Variants in LIMA1 observed in about 807,000 individuals in gnomAD.
The protein encoded by LIMA1 is LIM domain and actin-binding protein 1.
Under a neutral mutation model 62.6 loss-of-function variants are expected in LIMA1, and 52 were observed. That is an observed-to-expected ratio of 0.83 (90% confidence interval 0.67 to 1.05). LIMA1 has a LOEUF of 1.05. Ranked by LOEUF, LIMA1 falls within the 50% of genes least tolerant of loss-of-function variation. LIMA1 has a pLI of 0.00. For synonymous variants in LIMA1, 302 were observed against 317.8 expected (o/e 0.95, Z 0.53); for missense variants, 780 against 902.2 (o/e 0.86, Z 1.74).
intron 1 of LIMA1, among the ~76,000 whole-genome samples, chr12:50,275,982 G>C (rs1412980865): frequency 6.6e-6 from 1 of 152,146 alleles, no homozygotes; most frequent in African/African-American, 2.4e-5. Context: ...CTGATCTGCA[G>C]GTCTAGGTGG....
intron 1 of LIMA1, 133 bp from the exon 2 acceptor site, chr12:50,248,907 C>A: frequency 1.7e-6 from 1 of 593,980 alleles, no homozygotes; most frequent in Non-Finnish European, 3.0e-6. Context: ...ACTGTGTAAC[C>A]TTGGTCAAAT....
chr12:50,277,086 A>G (rs892274312), intron 1 of LIMA1, among the ~76,000 whole-genome samples: 1 of 152,130 alleles, frequency 6.6e-6, no homozygotes, highest in Admixed American at 6.5e-5. Flanking sequence ...AAAATGAGAC[A>G]TTTTTCACAT....
chr12:50,198,632 T>C (rs543478553), intron 7 of LIMA1, among the ~76,000 whole-genome samples: 1 of 152,306 alleles, frequency 6.6e-6, no homozygotes, highest in South Asian at 2.1e-4. Context: ...CTCCATGTCT[T>C]TTGGAAGAAT....
intron 1 of LIMA1, among the ~76,000 whole-genome samples, chr12:50,266,447 G>A (rs966080173): frequency 1.1e-4 from 16 of 152,120 alleles, no homozygotes; most frequent in Non-Finnish European, 2.1e-4. Context: ...TCCCACCTCA[G>A]GGCATACAGA....
intron 1 of LIMA1, among the ~76,000 whole-genome samples, chr12:50,266,180 T>C (rs1942136726): frequency 6.6e-6 from 1 of 152,202 alleles, no homozygotes; most frequent in African/African-American, 2.4e-5. Context: ...CTTTCTGTTA[T>C]TACCTATACA....
chr12:50,248,052 G>A (rs750528270), intron 2 of LIMA1, among the ~76,000 whole-genome samples: 3 of 152,164 alleles, frequency 2.0e-5, no homozygotes, highest in Non-Finnish European at 2.9e-5. Flanking sequence ...TGTTCAATAC[G>A]ACAGTCACCA....
At chr12:50,265,461 G>A (rs945943106) in intron 1 of LIMA1, among the ~76,000 whole-genome samples, 8 of 151,264 alleles carry the variant, frequency 5.3e-5, no homozygotes, top group South Asian at 4.2e-4. Context: ...TGGAGGTTGC[G>A]GTGAGCCAAG....
intron 1 of LIMA1, among the ~76,000 whole-genome samples, chr12:50,281,092 T>C (rs1333149038): frequency 3.9e-5 from 6 of 152,182 alleles, no homozygotes; most frequent in Non-Finnish European, 8.8e-5. Context: ...TCTTCCAATT[T>C]GTGGTTAGGT....
chr12:50,200,994 C>A (rs1941037884), intron 6 of LIMA1, 110 bp from the exon 7 acceptor site: 6 of 1,475,780 alleles, frequency 4.1e-6, no homozygotes, highest in South Asian at 1.4e-5. Flanking sequence ...TTCTAAGAAG[C>A]CTCGGGTCAA....
chr12:50,201,229 A>G, intron 6 of LIMA1: 4 of 1,045,540 alleles, frequency 3.8e-6, no homozygotes, highest in Non-Finnish European at 3.5e-6. Flanking sequence ...AAAGCTTGTG[A>G]GTTTTATCAG....
At chr12:50,252,340 G>A (rs1422830126) in intron 1 of LIMA1, among the ~76,000 whole-genome samples, 1 of 152,132 alleles carries the variant, frequency 6.6e-6, no homozygotes, top group Admixed American at 6.5e-5. Flanking sequence ...AGCACTTTGG[G>A]AGGCTGAGGC....
In LIMA1 at chr12:50,176,649, A is replaced by G. The variant is rs896025077; in HGVS notation, c.*415T>C. Reference sequence around the variant, plus strand: ...AACTGTGCCCTTTATACTAAAGTGCATTCAGTCGTAATGTTTAAGCCCCTA... The same window carrying G: ...AACTGTGCCCTTTATACTAAAGTGCGTTCAGTCGTAATGTTTAAGCCCCTA... On this transcript the variant is annotated 3_prime_UTR_variant, in exon 11 of 11. Transcript: ENST00000341247. The G allele has an allele frequency of 1.3e-5, 2 of 157,576 alleles. No homozygotes were observed. Among genetic ancestry groups the G allele is most frequent in the African/African-American group, 4.8e-5 (2 of 41,654 alleles). The allele number at this position is 157,576 out of a possible 1,614,324, so 9.8% of individuals were successfully genotyped here.
intron 10 of LIMA1, among the ~76,000 whole-genome samples, chr12:50,180,368 A>G (rs1001838920): frequency 6.7e-6 from 1 of 150,280 alleles, no homozygotes; most frequent in Non-Finnish European, 1.5e-5. Flanking sequence ...CCAGCTACTC[A>G]GGAGACTGAG....
intron 2 of LIMA1, among the ~76,000 whole-genome samples, chr12:50,237,408 G>A (rs1251736885): frequency 2.0e-5 from 3 of 152,298 alleles, no homozygotes; most frequent in South Asian, 2.1e-4. Context: ...AGGCCAAGGC[G>A]GGCGGATCTC....
intron 8 of LIMA1, 191 bp downstream of exon 8, chr12:50,195,639 T>G: frequency 2.3e-6 from 1 of 429,784 alleles, no homozygotes; most frequent in South Asian, 9.0e-5. Flanking sequence ...CCAAGTTAAC[T>G]ATATTCAATT....
chr12:50,215,976 G>A (rs1941338937), intron 4 of LIMA1, among the ~76,000 whole-genome samples: 1 of 151,876 alleles, frequency 6.6e-6, no homozygotes, highest in South Asian at 2.1e-4. Flanking sequence ...TTGAACCTGG[G>A]AGGCTGCAGT....
intron 10 of LIMA1, among the ~76,000 whole-genome samples, chr12:50,179,308 A>AT (rs1241942690): frequency 2.6e-5 from 4 of 151,780 alleles, no homozygotes; most frequent in African/African-American, 9.7e-5. Flanking sequence ...TGCACGGCAA[A>AT]TTTTTGTATT....
intron 8 of LIMA1, among the ~76,000 whole-genome samples, chr12:50,194,604 C>G (rs1406555637): frequency 3.3e-5 from 5 of 149,568 alleles, no homozygotes; most frequent in Middle Eastern, 3.4e-3. Context: ...GGCCCAGCAA[C>G]ATATATTTTT....
chr12:50,232,070 G>A (rs1489809546), intron 2 of LIMA1, among the ~76,000 whole-genome samples: 1 of 75,486 alleles, frequency 1.3e-5, no homozygotes, highest in African/African-American at 5.7e-5. Flanking sequence ...TTTTTTTTGA[G>A]ATAGGGTCTC....
Sources: gnomAD v4.1 joint callset for allele counts (sites outside exome capture counted in the v4.1 genomes callset) on GRCh38, gnomAD v4.1.1 for gene constraint, MANE v1.5 for transcripts, NCBI Gene and HGNC (gene_info 2026-07-23, HGNC 2026-07-21) for gene names.